RBFOX1: variants seen among roughly 807,000 people sequenced by gnomAD.
RBFOX1 encodes RNA binding fox-1 homolog 1, also known as RNA binding protein fox-1 homolog 1.
Under a neutral mutation model 57.7 loss-of-function variants are expected in RBFOX1, and 8 were observed. The ratio of observed to expected loss-of-function variants is 0.14; its 90% CI spans 0.08 to 0.25. The LOEUF (loss-of-function observed/expected upper bound fraction) is 0.25. RBFOX1 is among the 10% of genes least tolerant of loss of function. The pLI, the probability that RBFOX1 is intolerant of heterozygous loss-of-function variation, is 1.00. For missense variants in RBFOX1, 611 were observed against 548.5 expected (o/e 1.11, Z -1.14); for synonymous variants, 326 against 222.4 (o/e 1.47, Z -4.15).
intron 3 of RBFOX1, among the ~76,000 whole-genome samples, chr16:6,661,878 A>G (rs143347235): frequency 2.0e-5 from 3 of 152,308 alleles, no homozygotes; most frequent in African/African-American, 7.2e-5. Context: ...TGTTGTGCAT[A>G]ATGGCTATAA....
chr16:7,520,768 C>G (rs1391732083), intron 5 of RBFOX1, among the ~76,000 whole-genome samples: 3 of 152,090 alleles, frequency 2.0e-5, no homozygotes, highest in South Asian at 2.1e-4. Context: ...TGTTTGTTGG[C>G]TATTTTGTGA....
chr16:7,052,291 C>G (rs993682151), intron 4 of RBFOX1, among the ~76,000 whole-genome samples, 193 bp downstream of exon 4: 3 of 152,038 alleles, frequency 2.0e-5, no homozygotes, highest in African/African-American at 7.2e-5. Flanking sequence ...TTTGGAAGTG[C>G]CGTTATAGTA....
intron 2 of RBFOX1, among the ~76,000 whole-genome samples, chr16:5,555,970 G>C (rs887512520): frequency 3.3e-5 from 5 of 152,108 alleles, no homozygotes; most frequent in African/African-American, 7.2e-5. Flanking sequence ...GCAGCGAGCT[G>C]AGGTCATGCC....
At chr16:7,224,022 T>G (rs2092925238) in intron 4 of RBFOX1, among the ~76,000 whole-genome samples, 1 of 151,126 alleles carries the variant, frequency 6.6e-6, no homozygotes. Flanking sequence ...ATATTATTTA[T>G]GCATATGTTG....
At chr16:6,963,808 C>G (rs1167445250) in intron 3 of RBFOX1, among the ~76,000 whole-genome samples, 1 of 151,652 alleles carries the variant, frequency 6.6e-6, no homozygotes, top group African/African-American at 2.4e-5. Context: ...ATGCCATTCT[C>G]CTGCCTCAGC....
intron 4 of RBFOX1, among the ~76,000 whole-genome samples, chr16:7,420,926 C>CACACATATATAT (rs1568794301): frequency 4.3e-5 from 6 of 139,910 alleles, no homozygotes; most frequent in Admixed American, 7.2e-5. Context: ...TATATATATA[C>CACACATATATAT]ACATATATAT....
At chr16:7,486,723 G>A (rs1043538910) in intron 4 of RBFOX1, among the ~76,000 whole-genome samples, 1 of 152,134 alleles carries the variant, frequency 6.6e-6, no homozygotes, top group African/African-American at 2.4e-5. Flanking sequence ...TAAGAAGCAA[G>A]TCATTCAGCT....
chr16:6,170,654 G>A (rs997210588), intron 1 of RBFOX1, among the ~76,000 whole-genome samples: 3 of 151,988 alleles, frequency 2.0e-5, no homozygotes, highest in African/African-American at 7.3e-5. Flanking sequence ...AGGTAAACCC[G>A]TGTCACGGGG....
At chr16:6,880,229 A>G (rs913497625) in intron 3 of RBFOX1, among the ~76,000 whole-genome samples, 1 of 151,742 alleles carries the variant, frequency 6.6e-6, no homozygotes, top group South Asian at 2.1e-4. Flanking sequence ...ACCGGGGGGT[A>G]GCAACATGAC....
At chr16:6,781,377 C>T (rs931784216) in intron 3 of RBFOX1, among the ~76,000 whole-genome samples, 1 of 151,990 alleles carries the variant, frequency 6.6e-6, no homozygotes, top group Non-Finnish European at 1.5e-5. Flanking sequence ...ATATATTAGT[C>T]TGAAGTTTTC....
rs1597252860 is a variant in RBFOX1, at chr16:6,094,940, G to T, written c.-127+74948G>T. On this transcript the variant is annotated intron_variant, in intron 1 of 15. Coordinates refer to ENST00000550418, the MANE Select transcript of RBFOX1 (RefSeq NM_018723.4). ...TAAGGGATGGTGGTGCATGCCTGTA[G>T]TCCCAGCTACTCGAGAGGCTGAGGC... Among the ~76,000 whole-genome samples the T allele has an allele frequency of 2.6e-5, 4 of 152,252 alleles. No individual in the cohort carries two copies. The Middle Eastern group carries it at 0.014, about 518-fold the overall frequency.
At chr16:6,224,494 T>G (rs1367099156) in intron 1 of RBFOX1, among the ~76,000 whole-genome samples, 1 of 152,152 alleles carries the variant, frequency 6.6e-6, no homozygotes, top group African/African-American at 2.4e-5. Flanking sequence ...TGGACCACAC[T>G]TGGAGTAGTA....
intron 2 of RBFOX1, among the ~76,000 whole-genome samples, chr16:6,520,133 A>T (rs1341859632): frequency 1.3e-5 from 2 of 152,184 alleles, no homozygotes; most frequent in Non-Finnish European, 1.5e-5. Flanking sequence ...GAGCTTCTTC[A>T]TGGCCATCCT....
intron 1 of RBFOX1, among the ~76,000 whole-genome samples, chr16:5,389,630 C>T (rs1197477818): frequency 6.6e-6 from 1 of 151,806 alleles, no homozygotes; most frequent in Non-Finnish European, 1.5e-5. Flanking sequence ...TCCCTCCTTC[C>T]CTCTCTCTTT....
chr16:5,304,660 C>T (rs2063888412), intron 1 of RBFOX1, among the ~76,000 whole-genome samples: 1 of 152,176 alleles, frequency 6.6e-6, no homozygotes. Context: ...GATATTGTGG[C>T]TCTGTTCATA....
chr16:7,046,946 A>T (rs944524703), intron 3 of RBFOX1, among the ~76,000 whole-genome samples: 42 of 151,898 alleles, frequency 2.8e-4, no homozygotes, highest in Admixed American at 1.1e-3. Flanking sequence ...CCATAAATTA[A>T]AAAGCTCTTC....
At chr16:6,611,176 T>C (rs545190483) in intron 2 of RBFOX1, among the ~76,000 whole-genome samples, 7 of 152,214 alleles carry the variant, frequency 4.6e-5, no homozygotes, top group Admixed American at 4.6e-4. Context: ...GGGGACGAAG[T>C]CTCTCTGTCA....
At chr16:7,190,799 A>T (rs1429000083) in intron 4 of RBFOX1, among the ~76,000 whole-genome samples, 1 of 152,218 alleles carries the variant, frequency 6.6e-6, no homozygotes, top group Non-Finnish European at 1.5e-5. Context: ...TCGCCATTTC[A>T]GTCATTTTTG....
intron 4 of RBFOX1, among the ~76,000 whole-genome samples, chr16:6,006,541 G>C (rs1487678397): frequency 6.6e-5 from 10 of 152,138 alleles, no homozygotes; most frequent in Non-Finnish European, 1.0e-4. Flanking sequence ...GAGACAGAAG[G>C]GTCCTCACTG....
Sources: allele counts gnomAD v4.1 joint callset (sites outside exome capture counted in the v4.1 genomes callset), GRCh38; gene constraint gnomAD v4.1.1; transcripts MANE v1.5; gene names NCBI Gene and HGNC (gene_info 2026-07-23, HGNC 2026-07-21).